The following CPSF2 variants were observed in gnomAD, a reference collection of about 807,000 sequenced individuals.
CPSF2 encodes cleavage and polyadenylation specificity factor subunit 2.
In CPSF2, 51 loss-of-function variants were observed where a neutral mutation model predicts 84.2. The observed-to-expected ratio is 0.61, with a 90% CI of 0.48 to 0.77. CPSF2 has a LOEUF of 0.77. Among genes scored for constraint, CPSF2 ranks in the 30% least tolerant of loss-of-function variants. The probability of loss-of-function intolerance (pLI) is 0.00; values close to 1 mark genes in which losing one functional copy is unlikely to be tolerated. For missense variants in CPSF2, 641 were observed against 929.4 expected (o/e 0.69, Z 4.03); for synonymous variants, 286 against 311.9 (o/e 0.92, Z 0.87).
intron 9 of CPSF2, among the ~76,000 whole-genome samples, chr14:92,145,524 A>G (rs1034190130): frequency 1.3e-5 from 2 of 152,234 alleles, no homozygotes; most frequent in African/African-American, 4.8e-5. Context: ...TCTGAGATAT[A>G]TGTACTATAA....
intron 7 of CPSF2, among the ~76,000 whole-genome samples, chr14:92,141,405 C>T (rs1177822233): frequency 1.3e-5 from 2 of 152,102 alleles, no homozygotes; most frequent in East Asian, 3.9e-4. Flanking sequence ...AATCACGACT[C>T]TCTGCAGCCT....
At chr14:92,125,667 C>T (rs918423444) in intron 1 of CPSF2, among the ~76,000 whole-genome samples, 15 of 151,974 alleles carry the variant, frequency 9.9e-5, no homozygotes, top group Non-Finnish European at 1.9e-4. Context: ...GTTCATTAGG[C>T]CTTATCTTTT....
intron 5 of CPSF2, among the ~76,000 whole-genome samples, chr14:92,134,684 T>C (rs1214897569): frequency 1.3e-5 from 2 of 152,194 alleles, no homozygotes; most frequent in Non-Finnish European, 2.9e-5. Context: ...ACAAAGTAGC[T>C]GAGATGGCTA....
intron 3 of CPSF2, 64 bp downstream of exon 3, chr14:92,131,197 C>T (rs2068923445): frequency 7.5e-7 from 1 of 1,337,578 alleles, no homozygotes; most frequent in Admixed American, 2.2e-5. Context: ...TACTGTAATA[C>T]CATTTCGATG....
Position 92,167,682 on chromosome 14 carries a change from G to C in CPSF2, c.*5938G>C, listed in dbSNP as rs566572661. 3 of 152,180 alleles carry C rather than the reference G, an allele frequency of 2.0e-5. No homozygotes were observed. Among genetic ancestry groups the C allele is most frequent in the Admixed American group, 2.0e-4 (3 of 15,266 alleles). 9.4% of individuals were successfully genotyped at this position (152,180 alleles called of 1,614,324 possible). The stretch of plus-strand genomic sequence containing the variant: ...GTTATTTAGGACAGTGGCATGCTGA[G>C]AAATAGATTGATTTCTATTCTATAC... On this transcript the variant is annotated 3_prime_UTR_variant, in exon 16 of 16. Transcript: ENST00000298875.
intron 15 of CPSF2, 39 bp downstream of exon 15, chr14:92,161,285 C>T (rs755425050): frequency 1.4e-5 from 22 of 1,546,380 alleles, no homozygotes; most frequent in East Asian, 7.1e-5. Flanking sequence ...TGAACACATA[C>T]GTCTGATGTT....
Position 92,168,171 on chromosome 14 carries a change from C to T in CPSF2, c.*6427C>T, listed in dbSNP as rs2069474811. On this transcript the variant is annotated 3_prime_UTR_variant, in exon 16 of 16. Transcript: ENST00000298875. Reference sequence around the variant, plus strand: ...GCTGAGGCAGTAGAATCGCTTGAACCCGGGATGCGGAAGTTGCAGTGAGCC... The same window carrying T: ...GCTGAGGCAGTAGAATCGCTTGAACTCGGGATGCGGAAGTTGCAGTGAGCC... 2 of 149,428 alleles carry T rather than the reference C, an allele frequency of 1.3e-5. No homozygotes were observed. Among genetic ancestry groups the T allele is most frequent in the Non-Finnish European group, 3.0e-5 (2 of 67,756 alleles). The allele number at this position is 149,428 out of a possible 1,614,324, so 9.3% of individuals were successfully genotyped here.
At chr14:92,125,285 A>G (rs2068831236) in intron 1 of CPSF2, among the ~76,000 whole-genome samples, 1 of 152,192 alleles carries the variant, frequency 6.6e-6, no homozygotes, top group African/African-American at 2.4e-5. Flanking sequence ...GGGAAGAATA[A>G]TCAGGAACTG....
Position 92,161,989 on chromosome 14 carries a change from A to T in CPSF2, c.*245A>T. ...TGTACAGGCCCAAGAGTTGAAGGTG[A>T]TTGGTTTTCTTTACAGACTCCTTGT... On this transcript the variant is annotated 3_prime_UTR_variant, in exon 16 of 16. Transcript: ENST00000298875. 1 of 298,384 alleles carries T rather than the reference A, an allele frequency of 3.4e-6. No homozygotes were observed. The highest frequency in any genetic ancestry group is 6.1e-6 in the Non-Finnish European group (1 of 163,650). 18.5% of individuals were successfully genotyped at this position (298,384 alleles called of 1,614,324 possible).
At position 92,159,050 on chromosome 14, in the gene CPSF2, G is replaced by T. The variant is rs1400713018; in HGVS notation, c.1889G>T (p.Trp630Leu). Residue 630 changes from tryptophan to leucine, a missense_variant, in exon 14 of 16, where the codon TGG becomes TTG. By Grantham distance (61) the Trp-to-Leu change is moderately conservative. Coordinates refer to ENST00000298875, the MANE Select transcript of CPSF2 (RefSeq NM_017437.3). Reference protein sequence around the residue: ...FCKAKDAELAWIDGVLDMRVS... With the variant: ...FCKAKDAELALIDGVLDMRVS... ...AAGGCAAAAGATGCTGAATTAGCTT[G>T]GATAGATGGTGTCTTAGATATGAGA... is the stretch of plus-strand genomic sequence containing the variant. The T allele has an allele frequency of 1.2e-6, 2 of 1,613,902 alleles. No homozygotes were observed. The highest frequency in any genetic ancestry group is 2.2e-5 in the East Asian group (1 of 44,882).
chr14:92,170,660 T>C lies in CPSF2; in HGVS notation c.*8916T>C, dbSNP rs1260790739. On this transcript the variant is annotated 3_prime_UTR_variant, in exon 16 of 16. Coordinates refer to ENST00000298875, the MANE Select transcript of CPSF2 (RefSeq NM_017437.3). ...TTCCTTTTTTGTGACCTTGACATTT[T>C]TGAAGAATGCAGGCCAGGTACTTTG... 2 of 152,242 alleles carry C rather than the reference T, an allele frequency of 1.3e-5. No individual in the cohort carries two copies. Among genetic ancestry groups the C allele is most frequent in the Admixed American group, 1.3e-4 (2 of 15,274 alleles). The allele number at this position is 152,242 out of a possible 1,614,324, so 9.4% of individuals were successfully genotyped here.
chr14:92,144,709 T>A (rs535129208), intron 9 of CPSF2, among the ~76,000 whole-genome samples: 3 of 152,320 alleles, frequency 2.0e-5, no homozygotes, highest in South Asian at 4.1e-4. Context: ...GTAGACAGAT[T>A]TGTTTTCACA....
chr14:92,131,998 T>C (rs2068938227), intron 3 of CPSF2, among the ~76,000 whole-genome samples: 1 of 152,226 alleles, frequency 6.6e-6, no homozygotes, highest in Non-Finnish European at 1.5e-5. Context: ...TATGCTTCCC[T>C]GATTAACTGA....
At chr14:92,151,848 G>T (rs1400049148) in intron 9 of CPSF2, among the ~76,000 whole-genome samples, 2 of 151,998 alleles carry the variant, frequency 1.3e-5, no homozygotes, top group South Asian at 2.1e-4. Flanking sequence ...ACCAGCTTGG[G>T]CAGCATGTCA....
At chr14:92,122,229 G>A (rs888970478) in intron 1 of CPSF2, 101 bp downstream of exon 1, 2 of 299,624 alleles carry the variant, frequency 6.7e-6, no homozygotes, top group African/African-American at 4.4e-5. Context: ...GGTCTCCCCC[G>A]AGGACTCGCC....
intron 9 of CPSF2, among the ~76,000 whole-genome samples, chr14:92,144,429 A>G (rs1235731669): frequency 6.6e-6 from 1 of 152,166 alleles, no homozygotes; most frequent in Non-Finnish European, 1.5e-5. Context: ...TATCATTCTG[A>G]ATTTACAGCT....
chr14:92,129,137 A>T (rs56270079), intron 2 of CPSF2, among the ~76,000 whole-genome samples: 3,315 of 152,270 alleles, frequency 0.022, 128 homozygotes, highest in African/African-American at 0.077. Context: ...CTTTTCAAGT[A>T]CAGGGGGTAC....
At position 92,154,433 on chromosome 14, in the gene CPSF2, G is replaced by C; in HGVS notation, c.1216G>C (p.Ala406Pro). 6.2e-7 allele frequency: 1 copy of C among 1,608,022 alleles called. No individual in the cohort carries two copies. Among genetic ancestry groups the C allele is most frequent in the Non-Finnish European group, 8.5e-7 (1 of 1,177,566 alleles). ...AAAAGAGAAACTAAAGAAAGAAGCT[G>C]CCAAAAAGCTTGAGCAGTCAAAAGA... The part of the protein sequence containing the change: ...LEKEKLKKEA[A>P]KKLEQSKEAD... The change falls in exon 10 of 16, where the codon GCC becomes CCC. Residue 406 changes from alanine to proline, a missense_variant. Coordinates refer to ENST00000298875, the MANE Select transcript of CPSF2 (RefSeq NM_017437.3).
intron 1 of CPSF2, among the ~76,000 whole-genome samples, chr14:92,123,473 A>T (rs949161460): frequency 6.6e-6 from 1 of 151,930 alleles, no homozygotes; most frequent in Non-Finnish European, 1.5e-5. Flanking sequence ...ATCTCAGCTC[A>T]CTGCAACTTC....
Sources: allele counts gnomAD v4.1 joint callset (sites outside exome capture counted in the v4.1 genomes callset), GRCh38; gene constraint gnomAD v4.1.1; transcripts MANE v1.5; gene names NCBI Gene and HGNC (gene_info 2026-07-23, HGNC 2026-07-21).